Variants in COX10 observed in about 807,000 individuals in gnomAD.
COX10 encodes protoheme IX farnesyltransferase, mitochondrial.
COX10 carries 27 observed loss-of-function variants against 37.3 expected under a neutral mutation model. That is an observed-to-expected ratio of 0.72 (90% CI 0.53 to 1.00). The LOEUF (loss-of-function observed/expected upper bound fraction) is 1.00, where lower values mean the gene tolerates loss of function less well. COX10 is among the 50% of genes least tolerant of loss of function. The probability of loss-of-function intolerance (pLI) is 0.00; values close to 1 mark genes in which losing one functional copy is unlikely to be tolerated. For missense variants in COX10, 475 were observed against 563.2 expected (o/e 0.84, Z 1.59); for synonymous variants, 222 against 229.1 (o/e 0.97, Z 0.28).
At chr17:14,072,535 A>G (rs1915049760) in intron 1 of COX10, among the ~76,000 whole-genome samples, 1 of 152,082 alleles carries the variant, frequency 6.6e-6, no homozygotes, top group Non-Finnish European at 1.5e-5. Flanking sequence ...TTTTGTATTT[A>G]GTAGAGATGG....
chr17:14,129,734 A>G (rs1485088003), intron 4 of COX10, among the ~76,000 whole-genome samples: 1 of 152,214 alleles, frequency 6.6e-6, no homozygotes, highest in Non-Finnish European at 1.5e-5. Flanking sequence ...GTGCCTAACA[A>G]AAACAGACCT....
At chr17:14,144,142 G>T (rs555720774) in intron 4 of COX10, among the ~76,000 whole-genome samples, 53 of 152,262 alleles carry the variant, frequency 3.5e-4, no homozygotes, top group South Asian at 1.0e-3. Flanking sequence ...GTTGTGACCA[G>T]ATGTATATTA....
At chr17:14,183,642 CTTAAAA>C (rs1905933352) in intron 5 of COX10, among the ~76,000 whole-genome samples, 1 of 135,518 alleles carries the variant, frequency 7.4e-6, no homozygotes, top group African/African-American at 2.8e-5. Flanking sequence ...TGTAAGTAAA[CTTAAAA>C]TTGAAGATAA....
intron 3 of COX10, among the ~76,000 whole-genome samples, chr17:14,096,299 A>C (rs1430877720): frequency 6.6e-6 from 1 of 151,840 alleles, no homozygotes; most frequent in African/African-American, 2.4e-5. Flanking sequence ...GAGGGGACCA[A>C]CTTTCAGACC....
At chr17:14,099,217 G>A (rs910435183) in intron 3 of COX10, among the ~76,000 whole-genome samples, 9 of 151,970 alleles carry the variant, frequency 5.9e-5, no homozygotes, top group African/African-American at 2.2e-4. Flanking sequence ...ACCATATTTG[G>A]GAACAACTGA....
intron 4 of COX10, among the ~76,000 whole-genome samples, chr17:14,111,072 C>T (rs1844544585): frequency 2.0e-5 from 3 of 152,064 alleles, no homozygotes; most frequent in Non-Finnish European, 2.9e-5. Flanking sequence ...CCTTTTGAGA[C>T]TTCTTTGTCT....
intron 4 of COX10, among the ~76,000 whole-genome samples, chr17:14,104,493 T>C (rs1308720176): frequency 2.0e-5 from 3 of 152,152 alleles, no homozygotes; most frequent in Admixed American, 6.6e-5. Context: ...AGGAAGAGTT[T>C]ACTATACTTT....
intron 5 of COX10, among the ~76,000 whole-genome samples, chr17:14,167,795 C>T (rs914090900): frequency 2.0e-5 from 3 of 152,286 alleles, no homozygotes; most frequent in Middle Eastern, 3.4e-3. Flanking sequence ...GTGATCCAAC[C>T]GCCTCCCAGC....
intron 4 of COX10, among the ~76,000 whole-genome samples, chr17:14,152,288 G>A (rs1313059176): frequency 6.6e-6 from 1 of 152,168 alleles, no homozygotes; most frequent in Non-Finnish European, 1.5e-5. Context: ...CACAATCATG[G>A]TGGAAGGTGA....
At chr17:14,097,924 TA>T (rs1403747647) in intron 3 of COX10, among the ~76,000 whole-genome samples, 3 of 152,272 alleles carry the variant, frequency 2.0e-5, no homozygotes, top group Non-Finnish European at 4.4e-5. Context: ...ATGTAAATGC[TA>T]TGTAAATAAT....
intron 5 of COX10, among the ~76,000 whole-genome samples, chr17:14,183,320 C>T (rs1429204883): frequency 6.6e-6 from 1 of 152,074 alleles, no homozygotes; most frequent in Non-Finnish European, 1.5e-5. Flanking sequence ...GAAAATTAGT[C>T]TTTTTCTGAC....
intron 4 of COX10, among the ~76,000 whole-genome samples, chr17:14,119,755 G>T (rs1375601751): frequency 6.6e-6 from 1 of 152,118 alleles, no homozygotes; most frequent in African/African-American, 2.4e-5. Context: ...CCTGTGATGA[G>T]ACAGAGACAG....
At chr17:14,078,022 AG>A (rs1915195308) in intron 3 of COX10, among the ~76,000 whole-genome samples, 1 of 151,978 alleles carries the variant, frequency 6.6e-6, no homozygotes, top group African/African-American at 2.4e-5. Context: ...CTTTACTTAA[AG>A]AAAGTTGTTT....
At chr17:14,142,880 C>A (rs552160409) in intron 4 of COX10, among the ~76,000 whole-genome samples, 1 of 152,248 alleles carries the variant, frequency 6.6e-6, no homozygotes, top group African/African-American at 2.4e-5. Context: ...TTTGTTTGGC[C>A]TCTCAGGAAA....
chr17:14,192,316 T>C (rs1024909067), intron 6 of COX10, 95 bp downstream of exon 6: 1 of 1,613,690 alleles, frequency 6.2e-7, no homozygotes, highest in Non-Finnish European at 8.5e-7. Context: ...TTCCATTCCA[T>C]CCCACATTAA....
At chr17:14,124,390 T>C (rs1360381954) in intron 4 of COX10, among the ~76,000 whole-genome samples, 4 of 152,150 alleles carry the variant, frequency 2.6e-5, no homozygotes, top group African/African-American at 9.7e-5. Flanking sequence ...GTAAGTTTTT[T>C]CCTAATTTCC....
At chr17:14,182,532 A>G (rs1905899724) in intron 5 of COX10, among the ~76,000 whole-genome samples, 1 of 152,154 alleles carries the variant, frequency 6.6e-6, no homozygotes, top group Non-Finnish European at 1.5e-5. Context: ...ATGTTCAGAA[A>G]TAGAAAACTC....
intron 3 of COX10, among the ~76,000 whole-genome samples, chr17:14,083,583 T>C (rs373643048): frequency 6.6e-5 from 10 of 152,368 alleles, no homozygotes; most frequent in African/African-American, 1.9e-4. Context: ...CTCATACTTA[T>C]ATTTCATCTG....
At chr17:14,162,640 C>T (rs546747735) in intron 5 of COX10, among the ~76,000 whole-genome samples, 93 of 145,116 alleles carry the variant, frequency 6.4e-4, no homozygotes, top group Non-Finnish European at 1.1e-3. Context: ...TTTTTTTTAT[C>T]AACTACATAG....
Sources: gnomAD v4.1 joint callset for allele counts (sites outside exome capture counted in the v4.1 genomes callset) on GRCh38, gnomAD v4.1.1 for gene constraint, MANE v1.5 for transcripts, NCBI Gene and HGNC (gene_info 2026-07-23, HGNC 2026-07-21) for gene names.